DSCAM: variants seen among roughly 807,000 people sequenced by gnomAD.
The protein encoded by DSCAM is DS cell adhesion molecule.
Under a neutral mutation model 217.7 loss-of-function variants are expected in DSCAM, and 47 were observed. That is an observed-to-expected ratio of 0.22 (90% CI 0.17 to 0.28). The LOEUF is 0.28. Among genes scored for constraint, DSCAM ranks in the 10% least tolerant of loss-of-function variants. The pLI is 1.00. For synonymous variants in DSCAM, 1,056 were observed against 1,015.3 expected (o/e 1.04, Z -0.76); for missense variants, 2,080 against 2,618.3 (o/e 0.79, Z 4.49).
chr21:40,013,557 G>A (rs182745417), intron 32 of DSCAM, among the ~76,000 whole-genome samples, 171 bp from the exon 33 acceptor site: 6 of 152,260 alleles, frequency 3.9e-5, no homozygotes, highest in African/African-American at 1.2e-4. Flanking sequence ...AGGTGGAATC[G>A]TCCTCCTACC....
intron 11 of DSCAM, among the ~76,000 whole-genome samples, chr21:40,226,447 G>A (rs575501167): frequency 2.0e-5 from 3 of 152,126 alleles, no homozygotes; most frequent in South Asian, 2.1e-4. Context: ...TTTTAATGTC[G>A]GGAGAGATAT....
intron 1 of DSCAM, among the ~76,000 whole-genome samples, chr21:40,796,090 C>G (rs1417475018): frequency 1.3e-5 from 2 of 152,202 alleles, no homozygotes; most frequent in African/African-American, 4.8e-5. Flanking sequence ...GAGTACATAG[C>G]TACTAAGTCA....
intron 4 of DSCAM, among the ~76,000 whole-genome samples, chr21:40,362,814 G>A (rs1051965699): frequency 6.6e-6 from 1 of 151,922 alleles, no homozygotes. Flanking sequence ...ATATATGCAG[G>A]TGTGCATATG....
intron 3 of DSCAM, among the ~76,000 whole-genome samples, chr21:40,486,967 T>A (rs562152683): frequency 1.3e-5 from 2 of 152,160 alleles, no homozygotes; most frequent in South Asian, 4.2e-4. Context: ...GTGCCTGCCT[T>A]TAGCAACTCT....
At chr21:40,376,622 G>GATATCTATATATCTTAGATATCT (rs1555911135) in intron 3 of DSCAM, among the ~76,000 whole-genome samples, 4,218 of 44,988 alleles carry the variant, frequency 0.094, 799 homozygotes, top group South Asian at 0.16. Flanking sequence ...TATAGATATC[G>GATATCTATATATCTTAGATATCT]ATATCTATAT....
chr21:40,657,241 C>T (rs2090086586), intron 3 of DSCAM, among the ~76,000 whole-genome samples: 1 of 152,126 alleles, frequency 6.6e-6, no homozygotes, highest in Non-Finnish European at 1.5e-5. Flanking sequence ...CCTAGAGAGG[C>T]ATGAACAGTG....
At chr21:40,523,364 G>A (rs2076374867) in intron 3 of DSCAM, among the ~76,000 whole-genome samples, 1 of 152,138 alleles carries the variant, frequency 6.6e-6, no homozygotes, top group African/African-American at 2.4e-5. Flanking sequence ...ACGCACACAA[G>A]CAGCTGGATG....
At position 40,028,135 on chromosome 21, in the gene DSCAM, G is replaced by C. The variant is rs867101409; in HGVS notation, c.5686+14236C>G. Among the ~76,000 whole-genome samples, 672 of 86,450 alleles carry C rather than the reference G, an allele frequency of 7.8e-3. 2 individuals are homozygous for C. Among genetic ancestry groups the C allele is most frequent in the African/African-American group, 0.031 (648 of 21,160 alleles). The allele number at this position is 86,450 out of a possible 152,430, so 56.7% of individuals were successfully genotyped here. A position where few individuals can be genotyped will look rare whatever the true frequency, so the allele number is the denominator to read the frequency against. ...GAGTACCCTGCCCTGTGAGGTGTCA[G>C]TCTGCCCCTGCTGGGGGGTGCCTCC... On this transcript the variant is annotated intron_variant, in intron 32 of 32. Coordinates refer to ENST00000400454, the MANE Select transcript of DSCAM (RefSeq NM_001389.5).
At chr21:40,818,421 C>A (rs1246848948) in intron 1 of DSCAM, among the ~76,000 whole-genome samples, 2 of 151,360 alleles carry the variant, frequency 1.3e-5, no homozygotes, top group Non-Finnish European at 3.0e-5. Context: ...TGGCGGGCGC[C>A]TGTAGTCCCA....
At position 40,353,515 on chromosome 21, in the gene DSCAM, A is replaced by G. The variant is rs1422780895; in HGVS notation, c.884T>C (p.Val295Ala). 6.2e-7 allele frequency: 1 copy of G among 1,612,158 alleles called. No individual in the cohort carries two copies. Among genetic ancestry groups the G allele is most frequent in the Non-Finnish European group, 8.5e-7 (1 of 1,179,284 alleles). ...PSDSGSYVCEVSNRYGTAKVI... is the reference protein window; with the variant it reads ...PSDSGSYVCEASNRYGTAKVI... The stretch of plus-strand genomic sequence containing the variant: ...CTTAGCAGTTCCGTATCTGTTGGAC[A>G]CTTCACAAACATAGCTGCCTGAGTC... The change falls in exon 5 of 33, where the codon GTG (valine) becomes GCG (alanine). Residue 295 changes from valine to alanine, a missense_variant. By Grantham distance (64) the Val-to-Ala change is moderately conservative. Coordinates refer to ENST00000400454, the MANE Select transcript of DSCAM (RefSeq NM_001389.5).
At chr21:40,069,308 A>C (rs957764057) in intron 27 of DSCAM, among the ~76,000 whole-genome samples, 2 of 152,146 alleles carry the variant, frequency 1.3e-5, no homozygotes, top group Non-Finnish European at 2.9e-5. Flanking sequence ...TGGTTGGATG[A>C]GGAGGCTCCC....
In DSCAM at chr21:40,725,357, A is replaced by T. The variant is rs200760259; in HGVS notation, c.44-16586T>A. Among the ~76,000 whole-genome samples, 13 of 29,834 alleles carry T rather than the reference A, an allele frequency of 4.4e-4. No homozygotes were observed. In the African/African-American group the frequency reaches 0.016, roughly 36 times the overall value. The allele number at this position is 29,834 out of a possible 152,430, so 19.6% of individuals were successfully genotyped here. On this transcript the variant is annotated intron_variant, in intron 1 of 32. Transcript: ENST00000400454. ...CCTACTGTCGCCAAAGCAGTGATGG[A>T]AAAAAAAACCTGCGTCCGGGCTCCA...
intron 3 of DSCAM, among the ~76,000 whole-genome samples, chr21:40,395,928 C>T (rs376765154): frequency 6.6e-6 from 1 of 152,136 alleles, no homozygotes; most frequent in African/African-American, 2.4e-5. Context: ...AGCCCATCAG[C>T]CATCAGTTCG....
At chr21:40,597,747 G>T (rs1286839274) in intron 3 of DSCAM, among the ~76,000 whole-genome samples, 1 of 152,020 alleles carries the variant, frequency 6.6e-6, no homozygotes, top group African/African-American at 2.4e-5. Flanking sequence ...CCTGACCTCA[G>T]GTGATCCATC....
chr21:40,243,571 G>A (rs559555612), intron 11 of DSCAM, among the ~76,000 whole-genome samples: 5 of 152,208 alleles, frequency 3.3e-5, no homozygotes, highest in Non-Finnish European at 7.4e-5. Flanking sequence ...TAAAAGCATC[G>A]GTTTTTTCTG....
At chr21:40,766,300 C>A (rs2091388590) in intron 1 of DSCAM, among the ~76,000 whole-genome samples, 1 of 151,664 alleles carries the variant, frequency 6.6e-6, no homozygotes, top group South Asian at 2.1e-4. Context: ...TAAAACAGAG[C>A]CTTTCAATTT....
At chr21:40,700,095 T>C (rs1476645698) in intron 2 of DSCAM, among the ~76,000 whole-genome samples, 2 of 152,230 alleles carry the variant, frequency 1.3e-5, no homozygotes, top group Admixed American at 1.3e-4. Context: ...ATTTCAATAA[T>C]TCTAAAATTA....
intron 1 of DSCAM, among the ~76,000 whole-genome samples, chr21:40,783,597 A>G (rs2091566710): frequency 6.6e-6 from 1 of 152,210 alleles, no homozygotes; most frequent in Non-Finnish European, 1.5e-5. Context: ...CAGGAAAGGC[A>G]TCTGTGGAGT....
At position 40,216,929 on chromosome 21, in the gene DSCAM, G is replaced by C. The variant is rs2091248989; in HGVS notation, c.2357-27691C>G. 2.0e-5 allele frequency among the ~76,000 whole-genome samples: 3 copies of C among 152,158 alleles called. No homozygotes were observed. In the South Asian group the frequency reaches 6.2e-4, roughly 32 times the overall value. The stretch of plus-strand genomic sequence containing the variant: ...TCATTTGCATTATTTTTCAAAGTCG[G>C]TCACCCTAAGTAGAAAACAAAGATG... On this transcript the variant is annotated intron_variant, in intron 11 of 32. Transcript: ENST00000400454.
Sources: gnomAD v4.1 joint callset for allele counts (sites outside exome capture counted in the v4.1 genomes callset) on GRCh38, gnomAD v4.1.1 for gene constraint, MANE v1.5 for transcripts, NCBI Gene and HGNC (gene_info 2026-07-23, HGNC 2026-07-21) for gene names.